The following PDS5B variants were observed in gnomAD, a reference collection of about 807,000 sequenced individuals.
PDS5B encodes the protein sister chromatid cohesion protein PDS5 homolog B.
PDS5B carries 51 observed loss-of-function variants against 184.1 expected under a neutral mutation model. The ratio of observed to expected loss-of-function variants is 0.28; its 90% CI spans 0.22 to 0.35. The LOEUF (loss-of-function observed/expected upper bound fraction) is 0.35, where lower values mean the gene tolerates loss of function less well. PDS5B is among the 10% of genes least tolerant of loss of function. The pLI is 1.00. For missense variants in PDS5B, 1,180 were observed against 1,723.3 expected (o/e 0.68, Z 5.58); for synonymous variants, 566 against 569.2 (o/e 0.99, Z 0.08).
chr13:32,654,042 A>G (rs1950436224), intron 3 of PDS5B, among the ~76,000 whole-genome samples: 1 of 152,198 alleles, frequency 6.6e-6, no homozygotes, highest in South Asian at 2.1e-4. Flanking sequence ...AGCTGAAATT[A>G]GGGTCTTTGT....
intron 3 of PDS5B, among the ~76,000 whole-genome samples, chr13:32,655,566 T>C (rs1286118657): frequency 6.6e-6 from 1 of 150,690 alleles, no homozygotes; most frequent in East Asian, 2.0e-4. Context: ...AGTAGAGTGG[T>C]TTTACCACGT....
chr13:32,746,609 G>A (rs1953751442), intron 24 of PDS5B, among the ~76,000 whole-genome samples: 1 of 152,214 alleles, frequency 6.6e-6, no homozygotes, highest in Non-Finnish European at 1.5e-5. Context: ...ACGCCAGACA[G>A]CAGTTCATCG....
intron 11 of PDS5B, among the ~76,000 whole-genome samples, chr13:32,686,206 C>G (rs1951383485): frequency 6.6e-6 from 1 of 152,106 alleles, no homozygotes; most frequent in South Asian, 2.1e-4. Flanking sequence ...TGAACTTATT[C>G]TAAGATAATT....
chr13:32,753,785 G>A (rs765300489), intron 25 of PDS5B, among the ~76,000 whole-genome samples: 2 of 152,148 alleles, frequency 1.3e-5, no homozygotes, highest in Non-Finnish European at 2.9e-5. Flanking sequence ...GACATTGGAG[G>A]TACTTTTAAC....
intron 17 of PDS5B, among the ~76,000 whole-genome samples, chr13:32,702,477 T>C (rs934745205): frequency 4.6e-5 from 7 of 152,184 alleles, no homozygotes; most frequent in East Asian, 1.9e-4. Context: ...TGTGCTGTTA[T>C]ACCTTCTGTC....
intron 1 of PDS5B, among the ~76,000 whole-genome samples, chr13:32,587,096 C>G (rs1464377019): frequency 6.7e-6 from 1 of 148,406 alleles, no homozygotes; most frequent in Non-Finnish European, 1.5e-5. Flanking sequence ...GTTGAATCCT[C>G]CCGCGGGCGG....
At position 32,653,076 on chromosome 13, in the gene PDS5B, C is replaced by T. The variant is rs1417786900; in HGVS notation, c.312+1069C>T. Among the ~76,000 whole-genome samples, 4 of 152,170 alleles carry T rather than the reference C, an allele frequency of 2.6e-5. No homozygotes were observed. In the East Asian group the frequency reaches 7.7e-4, roughly 29 times the overall value. ...TGGGAGGCTGAGGTGGGCCGATCAC[C>T]TGAGGTCAGGAGTTCGAAACCAGCC... is the stretch of plus-strand genomic sequence containing the variant. On this transcript the variant is annotated intron_variant, in intron 3 of 34. Transcript: ENST00000315596.
chr13:32,635,031 C>T (rs208414), intron 1 of PDS5B, among the ~76,000 whole-genome samples: 2 of 144,112 alleles, frequency 1.4e-5, no homozygotes, highest in African/African-American at 2.6e-5. Context: ...TTAAAGAGGC[C>T]GGGCCTTACT....
chr13:32,594,441 G>A (rs2057826143), intron 1 of PDS5B, among the ~76,000 whole-genome samples: 1 of 152,166 alleles, frequency 6.6e-6, no homozygotes, highest in South Asian at 2.1e-4. Flanking sequence ...TCAAGTGGGA[G>A]GAAAGAGGCT....
At chr13:32,702,965 AAAC>A (rs1566348485) in intron 17 of PDS5B, among the ~76,000 whole-genome samples, 2 of 152,334 alleles carry the variant, frequency 1.3e-5, no homozygotes, top group African/African-American at 4.8e-5. Context: ...GGAAATTTTA[AAAC>A]AACAACCTAA....
intron 2 of PDS5B, chr13:32,650,236 G>C (rs1950334306): frequency 6.6e-6 from 1 of 152,070 alleles, no homozygotes; most frequent in African/African-American, 2.4e-5. Context: ...TTGGTGGAAT[G>C]ATTGCCTCAG....
At position 32,666,056 on chromosome 13, in the gene PDS5B, A is replaced by G. The variant is rs118045979; in HGVS notation, c.625-1708A>G. Among the ~76,000 whole-genome samples, 88 of 152,180 alleles carry G rather than the reference A, an allele frequency of 5.8e-4. 3 individuals carry two copies. The East Asian group carries it at 0.016, about 28-fold the overall frequency. On this transcript the variant is annotated intron_variant, in intron 6 of 34. Transcript: ENST00000315596. ...GGAGTACAAAAATACAGTTAGATAGAAGGCATAGTTCTTTCTAGTATTTGT... is the reference window on the plus strand; with the variant it reads ...GGAGTACAAAAATACAGTTAGATAGGAGGCATAGTTCTTTCTAGTATTTGT...
chr13:32,703,532 G>A (rs538118972), intron 17 of PDS5B, among the ~76,000 whole-genome samples: 1 of 152,240 alleles, frequency 6.6e-6, no homozygotes, highest in Non-Finnish European at 1.5e-5. Flanking sequence ...TCCAAGGATA[G>A]GAACTATTAT....
intron 1 of PDS5B, 128 bp from the exon 2 acceptor site, chr13:32,648,626 G>A: frequency 1.8e-6 from 1 of 551,002 alleles, no homozygotes; most frequent in Middle Eastern, 4.9e-4. Flanking sequence ...TCATTAAATG[G>A]TAAAGTAAAT....
chr13:32,752,694 G>A (rs1225519570), intron 24 of PDS5B, among the ~76,000 whole-genome samples: 1 of 152,152 alleles, frequency 6.6e-6, no homozygotes, highest in African/African-American at 2.4e-5. Context: ...GACTAGGGGT[G>A]GGTAGTTTAG....
chr13:32,597,552 G>A (rs941125070), intron 1 of PDS5B, among the ~76,000 whole-genome samples: 1 of 151,504 alleles, frequency 6.6e-6, no homozygotes, highest in South Asian at 2.1e-4. Flanking sequence ...GAGGCCGGGC[G>A]CAGTGGCCCA....
chr13:32,607,731 C>T (rs2058081803), intron 1 of PDS5B, among the ~76,000 whole-genome samples: 1 of 152,174 alleles, frequency 6.6e-6, no homozygotes, highest in South Asian at 2.1e-4. Context: ...TCCCGGCCAA[C>T]TTGTTTACCT....
intron 19 of PDS5B, among the ~76,000 whole-genome samples, chr13:32,721,666 C>G (rs1262655696): frequency 6.7e-6 from 1 of 149,190 alleles, no homozygotes; most frequent in South Asian, 2.1e-4. Context: ...GAGGCGCTCC[C>G]CACGTCCCAG....
intron 1 of PDS5B, among the ~76,000 whole-genome samples, chr13:32,587,142 C>CCGCG (rs1263798690): frequency 6.8e-6 from 1 of 147,574 alleles, no homozygotes; most frequent in Non-Finnish European, 1.5e-5. Context: ...CGGGCGGGGA[C>CCGCG]CGCGGGTCGG....
Sources: allele counts gnomAD v4.1 joint callset (sites outside exome capture counted in the v4.1 genomes callset), GRCh38; gene constraint gnomAD v4.1.1; transcripts MANE v1.5; gene names NCBI Gene and HGNC (gene_info 2026-07-23, HGNC 2026-07-21).